PDLIM2: variants seen among roughly 807,000 people sequenced by gnomAD.
PDLIM2 encodes the protein PDZ and LIM domain 2.
A neutral mutation model predicts 54.1 loss-of-function variants in PDLIM2; 51 were observed. That is an observed-to-expected ratio of 0.94 (90% CI 0.75 to 1.19). The LOEUF is 1.19. Ranked by LOEUF, PDLIM2 falls within the 50% of genes most tolerant of loss-of-function variation. The probability of loss-of-function intolerance (pLI) is 0.00; values close to 1 mark genes in which losing one functional copy is unlikely to be tolerated. For synonymous variants in PDLIM2, 398 were observed against 385.6 expected, an observed-to-expected ratio of 1.03 and a Z score of -0.38; for missense variants, 912 against 874.0, an observed-to-expected ratio of 1.04 and a Z score of -0.55.
chr8:22,582,812 C>T (rs1237186912), intron 3 of PDLIM2, among the ~76,000 whole-genome samples: 13 of 151,876 alleles, frequency 8.6e-5, no homozygotes, highest in Admixed American at 8.5e-4. Context: ...GATCTCCTGA[C>T]CTCGTGATCC....
chr8:22,580,839 G>A (rs1437801740), intron 2 of PDLIM2, 142 bp downstream of exon 1: 4 of 961,960 alleles, frequency 4.2e-6, no homozygotes, highest in Non-Finnish European at 6.5e-6. Flanking sequence ...CTGTAAGGGA[G>A]CCGTGGCCCT....
chr8:22,589,439 G>A, intron 7 of PDLIM2, 65 bp downstream of exon 6: 2 of 1,528,758 alleles, frequency 1.3e-6, no homozygotes, highest in South Asian at 2.4e-5. Flanking sequence ...GGAGGGAGAC[G>A]GGCTTCCCCG....
At chr8:22,580,828 G>C in intron 2 of PDLIM2, 131 bp downstream of exon 1, 1 of 1,046,498 alleles carries the variant, frequency 9.6e-7, no homozygotes. Context: ...TGGCGTGCTG[G>C]CTGTAAGGGA....
chr8:22,584,781 A>G, intron 3 of PDLIM2, 40 bp from the exon 3 acceptor site: 1 of 1,595,780 alleles, frequency 6.3e-7, no homozygotes, highest in Non-Finnish European at 8.6e-7. Flanking sequence ...TGCAGGGTGC[A>G]GGGCCCCTGT....
At chr8:22,585,626 A>C in intron 6 of PDLIM2, 7 of 54,530 alleles carry the variant, frequency 1.3e-4, no homozygotes, top group African/African-American at 9.0e-4. Flanking sequence ...TAGCCCGTCC[A>C]TCTCCTGCAC....
At chr8:22,595,571 C>A (rs1311224628), downstream of PDLIM2, 1 of 152,256 alleles carries the variant, frequency 6.6e-6, no homozygotes, top group Non-Finnish European at 1.5e-5. Flanking sequence ...GCGCCAAGGG[C>A]TACCTTGGAA....
Position 22,584,714 on chromosome 8 carries a change from A to G in PDLIM2, c.996-107A>G, listed in dbSNP as rs868169275. On this transcript the variant is annotated intron_variant, in intron 3 of 9. Coordinates refer to ENST00000308354, the Ensembl canonical transcript of PDLIM2. ...ACAACCGGATGTCCAAATTTTCTGT[A>G]GCTTTTACTGGTGTTGAGAACTAGA... is the stretch of plus-strand genomic sequence containing the variant. 3.8e-6 allele frequency: 4 copies of G among 1,046,790 alleles called. No homozygotes were observed. The African/African-American group carries it at 6.4e-5, about 17-fold the overall frequency. The allele number at this position is 1,046,790 out of a possible 1,614,324, so 64.8% of individuals were successfully genotyped here.
chr8:22,580,591 T>C (rs756856069), intron 1 of PDLIM2: 2 of 1,613,962 alleles, frequency 1.2e-6, no homozygotes, highest in Non-Finnish European at 1.7e-6. Context: ...CTCCTGGTCC[T>C]CTCTTCCTCA....
chr8:22,585,302 G>C lies in PDLIM2; in HGVS notation c.1212-19G>C. The C allele has an allele frequency of 6.2e-7, 1 of 1,612,680 alleles. No individual in the cohort carries two copies. The highest frequency in any genetic ancestry group is 1.7e-4 in the Middle Eastern group (1 of 6,056). Reference sequence around the variant, plus strand: ...GCTGGGGGTGGCCCTGGCACACACTGTCCCTTTCCCACTTTCAGCTTCCAG... The same window carrying C: ...GCTGGGGGTGGCCCTGGCACACACTCTCCCTTTCCCACTTTCAGCTTCCAG... On this transcript the variant is annotated intron_variant, in intron 5 of 9. Coordinates refer to ENST00000308354, the Ensembl canonical transcript of PDLIM2.
chr8:22,594,655 C>T (rs373141137), downstream of PDLIM2: 2 of 1,608,566 alleles, frequency 1.2e-6, no homozygotes, highest in South Asian at 1.1e-5. Context: ...GGTGAGACAA[C>T]CTCTGATCCT....
At chr8:22,596,977 T>C (rs2117378173), downstream of PDLIM2, 1 of 152,366 alleles carries the variant, frequency 6.6e-6, no homozygotes, top group South Asian at 2.1e-4. Context: ...CCCTCTGTCA[T>C]CAGAGGCAGC....
intron 8 of PDLIM2, 91 bp from the exon 8 acceptor site, chr8:22,591,460 G>A: frequency 8.9e-7 from 1 of 1,128,140 alleles, no homozygotes; most frequent in Non-Finnish European, 1.4e-6. Flanking sequence ...CTCTTATAAG[G>A]GTGCTTTCCA....
chr8:22,587,578 C>G (rs1800415326), intron 6 of PDLIM2, among the ~76,000 whole-genome samples: 1 of 152,144 alleles, frequency 6.6e-6, no homozygotes, highest in African/African-American at 2.4e-5. Context: ...TGGCTACAGA[C>G]AAGCTCATGA....
intron 8 of PDLIM2, chr8:22,591,336 G>C: frequency 1.7e-6 from 1 of 583,626 alleles, no homozygotes; most frequent in Admixed American, 2.9e-5. Flanking sequence ...CCTTGGATGG[G>C]CAAACTCGGC....
intron 7 of PDLIM2, 95 bp from the exon 7 acceptor site, chr8:22,589,501 T>TCCC: frequency 1.3e-6 from 2 of 1,503,340 alleles, no homozygotes; most frequent in Non-Finnish European, 1.8e-6. Context: ...CCCAGATTCC[T>TCCC]CCCCCTCCCC....
At chr8:22,596,536 G>A (rs1280019589), downstream of PDLIM2, 1 of 152,258 alleles carries the variant, frequency 6.6e-6, no homozygotes, top group Admixed American at 6.5e-5. Flanking sequence ...AAGCCAGCTA[G>A]CTGCGTGCTC....
In PDLIM2 at chr8:22,579,374, C is replaced by A. The variant is rs571008530; in HGVS notation, c.595C>A (p.Leu199Ile). Residue 199 changes from leucine to isoleucine, a missense_variant, in exon 1 of 10, where the codon CTC becomes ATC. Leu to Ile is a conservative substitution (Grantham distance 5). Transcript: ENST00000308354. ...AGCGGGGGCGCCCCCGCGAGCTGCG[C>A]TCTCCCCGGCCGGAGCGCTCCTCCT... The A allele has an allele frequency of 1.3e-5, 19 of 1,491,944 alleles. 1 individual carries two copies. The East Asian group carries it at 3.7e-4, about 29-fold the overall frequency. The allele number at this position is 1,491,944 out of a possible 1,614,324, so 92.4% of individuals were successfully genotyped here. A position where few individuals can be genotyped will look rare whatever the true frequency, so the allele number is the denominator to read the frequency against.
exon 8 of PDLIM2, chr8:22,589,719 A>G: frequency 6.4e-7 from 1 of 1,569,948 alleles, no homozygotes; most frequent in Non-Finnish European, 8.6e-7. Flanking sequence ...TCTTGCAGGA[A>G]GCCCTGGAGG....
chr8:22,582,912 C>T (rs1291992899), intron 3 of PDLIM2, among the ~76,000 whole-genome samples: 31 of 99,210 alleles, frequency 3.1e-4, no homozygotes, highest in South Asian at 4.9e-4. Flanking sequence ...GATGCCCACC[C>T]CCCCCCCCGC....
Sources: gnomAD v4.1 joint callset for allele counts (sites outside exome capture counted in the v4.1 genomes callset) on GRCh38, gnomAD v4.1.1 for gene constraint, MANE v1.5 for transcripts, NCBI Gene and HGNC (gene_info 2026-07-23, HGNC 2026-07-21) for gene names.